Variants in CCDC57 observed in about 807,000 individuals in gnomAD.
CCDC57 encodes the protein coiled-coil domain-containing protein 57.
CCDC57 carries 118 observed loss-of-function variants against 118.9 expected under a neutral mutation model. The ratio of observed to expected loss-of-function variants is 0.99; its 90% CI spans 0.86 to 1.16. The LOEUF is 1.16. Ranked by LOEUF, CCDC57 falls within the 50% of genes most tolerant of loss-of-function variation. The pLI is 0.00. For missense variants in CCDC57, 1,300 were observed against 1,320.7 expected, an observed-to-expected ratio of 0.98 and a Z score of 0.24; for synonymous variants, 527 against 532.9, an observed-to-expected ratio of 0.99 and a Z score of 0.15.
intron 14 of CCDC57, among the ~76,000 whole-genome samples, chr17:82,159,549 C>A (rs2043067627): frequency 2.6e-5 from 4 of 152,186 alleles, no homozygotes; most frequent in Admixed American, 2.6e-4. Context: ...TAGGCATCAG[C>A]AGAAAATGAG....
At chr17:82,151,919 A>G in intron 15 of CCDC57, 146 bp from the exon 15 acceptor site, 1 of 656,948 alleles carries the variant, frequency 1.5e-6, no homozygotes, top group Non-Finnish European at 2.6e-6. Flanking sequence ...CAAAAGAAAG[A>G]CAAAAAGAGT....
chr17:82,206,779 C>T (rs1034643795), intron 2 of CCDC57, among the ~76,000 whole-genome samples: 3 of 152,272 alleles, frequency 2.0e-5, no homozygotes, highest in South Asian at 2.1e-4. Flanking sequence ...CCAGGACTCG[C>T]GACTGGTGTC....
At chr17:82,114,565 G>T (rs987741825) in intron 19 of CCDC57, among the ~76,000 whole-genome samples, 3 of 152,220 alleles carry the variant, frequency 2.0e-5, no homozygotes, top group Non-Finnish European at 4.4e-5. Context: ...GCGCCCACTG[G>T]CTCCTGAATG....
At chr17:82,128,282 C>T (rs6502061) in intron 18 of CCDC57, among the ~76,000 whole-genome samples, 79,995 of 151,956 alleles carry the variant, frequency 0.53, 21,870 homozygotes, top group Non-Finnish European at 0.58. Flanking sequence ...TTAGGGGTCC[C>T]GGGGCCCTCC....
chr17:82,112,810 C>G (rs954879300), intron 19 of CCDC57: 1 of 152,534 alleles, frequency 6.6e-6, no homozygotes, highest in Admixed American at 6.5e-5. Context: ...GGATCTCGGA[C>G]TCGTCCAGGG....
At chr17:82,187,660 G>A (rs1306999072) in intron 8 of CCDC57, among the ~76,000 whole-genome samples, 2 of 62,096 alleles carry the variant, frequency 3.2e-5, no homozygotes, top group East Asian at 1.1e-3. Context: ...GGCAGGGCTC[G>A]GCGCGGGGGA....
In CCDC57 at chr17:82,194,259, G is replaced by A. The variant is rs111347037; in HGVS notation, c.619-120C>T. 107 of 1,053,566 alleles carry A rather than the reference G, an allele frequency of 1.0e-4. No homozygotes were observed. The African/African-American group carries it at 1.2e-3, about 12-fold the overall frequency. The allele number at this position is 1,053,566 out of a possible 1,614,324, so 65.3% of individuals were successfully genotyped here. On this transcript the variant is annotated intron_variant, in intron 5 of 19. Coordinates refer to ENST00000665763, the Ensembl canonical transcript of CCDC57. ...GAGAAGAAAAATGAAAATTCAAGAA[G>A]CAGTAAAACAGTGAGAATGTCCTAA... is the stretch of plus-strand genomic sequence containing the variant.
rs75527940 is a variant in CCDC57 at position 82,120,734 on chromosome 17, C to T, written c.2899+6958G>A. 9.2e-5 allele frequency among the ~76,000 whole-genome samples: 14 copies of T among 152,220 alleles called. No homozygotes were observed. The East Asian group carries it at 2.7e-3, about 29-fold the overall frequency. On this transcript the variant is annotated intron_variant, in intron 19 of 19. Transcript: ENST00000665763. ...CAGGGTGAATCAAAAGCCCCATGGA[C>T]TTATGCTGAAACGTATCTTTCTTGC...
intron 14 of CCDC57, chr17:82,160,242 C>A (rs2043153274): frequency 6.6e-6 from 1 of 152,314 alleles, no homozygotes; most frequent in Non-Finnish European, 1.5e-5. Flanking sequence ...CTCAGAAGCA[C>A]AAGCAACAGG....
In CCDC57 at chr17:82,172,508, G is replaced by A. The variant is rs1599134458; in HGVS notation, c.1729+130C>T. On this transcript the variant is annotated intron_variant, in intron 12 of 19. Transcript: ENST00000665763. The surrounding 1 kb of genome is among the most constrained non-coding windows in gnomAD (Gnocchi z 5.2). ...GTTTTCATACTTTGAGTTTATTACA[G>A]GGGATGTTAACTTATAGGACTCTGA... 1.4e-6 allele frequency: 1 copy of A among 725,424 alleles called. No homozygotes were observed. Among genetic ancestry groups the A allele is most frequent in the Non-Finnish European group, 2.3e-6 (1 of 427,916 alleles). The allele number at this position is 725,424 out of a possible 1,614,324, so 44.9% of individuals were successfully genotyped here. A position where few individuals can be genotyped will look rare whatever the true frequency, so the allele number is the denominator to read the frequency against.
chr17:82,101,778 T>A (rs1413735664), exon 20 of CCDC57: 1 of 1,609,064 alleles, frequency 6.2e-7, no homozygotes, highest in South Asian at 1.1e-5. Flanking sequence ...TCTTGGCCTT[T>A]GCCTGGGCTG....
At chr17:82,199,973 G>A (rs2048798944) in intron 3 of CCDC57, among the ~76,000 whole-genome samples, 1 of 152,198 alleles carries the variant, frequency 6.6e-6, no homozygotes, top group Non-Finnish European at 1.5e-5. Flanking sequence ...CCCAGAAGAC[G>A]GTGGCGCTCA....
chr17:82,154,294 C>A (rs1948561336), intron 15 of CCDC57: 1 of 152,374 alleles, frequency 6.6e-6, no homozygotes. Context: ...TCCGCACACA[C>A]CTGGTCCCAG....
exon 7 of CCDC57, chr17:82,193,809 T>C (rs1333719638): frequency 6.3e-7 from 1 of 1,599,488 alleles, no homozygotes; most frequent in Non-Finnish European, 8.5e-7. Flanking sequence ...CAGAGTGAAG[T>C]TTATCCTCTA....
At chr17:82,211,625 G>A (rs2050186148) in intron 1 of CCDC57, among the ~76,000 whole-genome samples, 1 of 150,164 alleles carries the variant, frequency 6.7e-6, no homozygotes, top group South Asian at 2.1e-4. Context: ...TTGGCTCTCC[G>A]CAACCTGCGC....
chr17:82,204,975 G>A (rs975917036), intron 2 of CCDC57, among the ~76,000 whole-genome samples: 1 of 152,186 alleles, frequency 6.6e-6, no homozygotes, highest in African/African-American at 2.4e-5. Flanking sequence ...TCACTGCAGG[G>A]AAGCTTTCCT....
At chr17:82,134,144 C>G (rs1201210346) in exon 17 of CCDC57, 1 of 1,382,008 alleles carries the variant, frequency 7.2e-7, no homozygotes, top group South Asian at 1.8e-5. Flanking sequence ...GGCTCCTCGC[C>G]TGGCTTCCGG....
chr17:82,117,923 C>G (rs575545687), intron 19 of CCDC57, among the ~76,000 whole-genome samples: 1 of 152,266 alleles, frequency 6.6e-6, no homozygotes, highest in African/African-American at 2.4e-5. Context: ...CTAACAGCAG[C>G]CTCTGTGAGC....
At chr17:82,126,789 A>G in intron 19 of CCDC57, 1 of 985,468 alleles carries the variant, frequency 1.0e-6, no homozygotes, top group South Asian at 4.7e-5. Context: ...CTATTCTAAC[A>G]GTATCTGTGA....
Sources: gnomAD v4.1 joint callset for allele counts (sites outside exome capture counted in the v4.1 genomes callset) on GRCh38, gnomAD v4.1.1 for gene constraint, Gnocchi (gnomAD v3.1) non-coding constraint, MANE v1.5 for transcripts, NCBI Gene and HGNC (gene_info 2026-07-23, HGNC 2026-07-21) for gene names.